PRUNE2: variants seen among roughly 807,000 people sequenced by gnomAD.
PRUNE2 encodes the protein protein prune homolog 2.
PRUNE2 carries 164 observed loss-of-function variants against 252.0 expected under a neutral mutation model. The ratio of observed to expected loss-of-function variants is 0.65; its 90% CI spans 0.57 to 0.74. The LOEUF is 0.74. Among genes scored for constraint, PRUNE2 ranks in the 30% least tolerant of loss-of-function variants. The pLI, the probability that PRUNE2 is intolerant of heterozygous loss-of-function variation, is 0.00. For synonymous variants in PRUNE2, 1,292 were observed against 1,350.2 expected, an observed-to-expected ratio of 0.96 and a Z score of 0.94; for missense variants, 3,495 against 3,711.0, an observed-to-expected ratio of 0.94 and a Z score of 1.51.
At chr9:76,672,981 A>G (rs1211832398) in intron 9 of PRUNE2, among the ~76,000 whole-genome samples, 8 of 148,440 alleles carry the variant, frequency 5.4e-5, no homozygotes, top group Non-Finnish European at 1.2e-4. Context: ...CCCTAACATC[A>G]CAATTAAAAG....
At chr9:76,645,390 A>C (rs759557580) in intron 11 of PRUNE2, among the ~76,000 whole-genome samples, 1 of 151,950 alleles carries the variant, frequency 6.6e-6, no homozygotes, top group Admixed American at 6.6e-5. Context: ...ACAAGCCAAG[A>C]CTCCTACTCT....
chr9:76,768,885 A>G (rs1332905066), intron 6 of PRUNE2, among the ~76,000 whole-genome samples: 1 of 152,194 alleles, frequency 6.6e-6, no homozygotes, highest in Non-Finnish European at 1.5e-5. Context: ...CATAATTCCT[A>G]CCACCAAAAA....
At chr9:76,702,040 T>G (rs981012216) in intron 9 of PRUNE2, among the ~76,000 whole-genome samples, 3 of 151,340 alleles carry the variant, frequency 2.0e-5, no homozygotes, top group African/African-American at 7.3e-5. Context: ...CCAAGCTGAG[T>G]AGCAAAAATA....
At chr9:76,745,755 A>C (rs1253118556) in intron 6 of PRUNE2, among the ~76,000 whole-genome samples, 4 of 152,200 alleles carry the variant, frequency 2.6e-5, no homozygotes, top group Non-Finnish European at 5.9e-5. Flanking sequence ...CCCTGCTTTG[A>C]TAAATTGGCT....
chr9:76,693,122 G>A (rs1221768173), intron 9 of PRUNE2: 1 of 151,934 alleles, frequency 6.6e-6, no homozygotes, highest in Non-Finnish European at 1.5e-5. Context: ...ACACAATTAA[G>A]GCAAACAAAG....
At chr9:76,636,193 G>A (rs1368264283) in intron 15 of PRUNE2, among the ~76,000 whole-genome samples, 1 of 151,930 alleles carries the variant, frequency 6.6e-6, no homozygotes, top group African/African-American at 2.4e-5. Flanking sequence ...CCTTTCTAAT[G>A]TGGCATGAAA....
intron 9 of PRUNE2, among the ~76,000 whole-genome samples, chr9:76,687,814 A>G (rs2044257085): frequency 6.7e-6 from 1 of 149,826 alleles, no homozygotes; most frequent in African/African-American, 2.5e-5. Context: ...GGTTCACACA[A>G]AACAGCACAG....
chr9:76,639,135 CT>C (rs1464537134), intron 12 of PRUNE2, among the ~76,000 whole-genome samples: 3 of 152,138 alleles, frequency 2.0e-5, no homozygotes, highest in African/African-American at 4.8e-5. Flanking sequence ...TAGAGTCACA[CT>C]CTCTTTGTAG....
rs1455401591 is a variant in PRUNE2 at position 76,846,755 on chromosome 9, C to T, written c.345-77G>A. 2.1e-5 allele frequency: 28 copies of T among 1,306,686 alleles called. No individual in the cohort carries two copies. In the East Asian group the frequency reaches 6.1e-4, roughly 28 times the overall value. 80.9% of individuals were successfully genotyped at this position (1,306,686 alleles called of 1,614,324 possible). ...ACTTTTTGGAATGTTTAAATCTCTG[C>T]TCTCACACAAATGGCTTCCTCTCAA... On this transcript the variant is annotated intron_variant, in intron 3 of 18. Transcript: ENST00000376718.
At chr9:76,702,515 G>A (rs1036273283) in intron 9 of PRUNE2, among the ~76,000 whole-genome samples, 1 of 152,196 alleles carries the variant, frequency 6.6e-6, no homozygotes, top group Non-Finnish European at 1.5e-5. Flanking sequence ...GCAGAGACTG[G>A]AAGCTTGAGG....
At chr9:76,669,625 T>C (rs1359378039) in intron 9 of PRUNE2, among the ~76,000 whole-genome samples, 1 of 152,182 alleles carries the variant, frequency 6.6e-6, no homozygotes, top group East Asian at 1.9e-4. Flanking sequence ...CAGCCTCGAA[T>C]GTTGTTTTCA....
At chr9:76,654,594 TTAAA>T (rs1848566262) in intron 10 of PRUNE2, among the ~76,000 whole-genome samples, 2 of 152,212 alleles carry the variant, frequency 1.3e-5, no homozygotes, top group Non-Finnish European at 2.9e-5. Flanking sequence ...TTTAATTAAT[TTAAA>T]TAGCCACATG....
At chr9:76,773,640 T>A (rs1589143729) in intron 6 of PRUNE2, among the ~76,000 whole-genome samples, 1 of 152,024 alleles carries the variant, frequency 6.6e-6, no homozygotes, top group Admixed American at 6.6e-5. Flanking sequence ...GGAGGGGTTT[T>A]GCCATGTTGG....
intron 9 of PRUNE2, among the ~76,000 whole-genome samples, chr9:76,695,327 C>A (rs570511157): frequency 1.3e-5 from 2 of 152,148 alleles, no homozygotes; most frequent in African/African-American, 2.4e-5. Flanking sequence ...CATAAGCCAG[C>A]GCGCCCAGCC....
intron 2 of PRUNE2, among the ~76,000 whole-genome samples, chr9:76,851,526 G>A (rs1047132910): frequency 6.7e-6 from 1 of 149,936 alleles, no homozygotes; most frequent in South Asian, 2.1e-4. Flanking sequence ...GCAGCATGGG[G>A]GACAGAGCAA....
chr9:76,693,444 T>TTTTTTTTC (rs2045020959), intron 9 of PRUNE2, among the ~76,000 whole-genome samples: 1 of 25,072 alleles, frequency 4.0e-5, no homozygotes, highest in African/African-American at 1.2e-4. Flanking sequence ...CTACTCTTTT[T>TTTTTTTTC]TTTTTTTTTT....
At chr9:76,786,878 G>A (rs2055040013) in intron 6 of PRUNE2, 1 of 152,202 alleles carries the variant, frequency 6.6e-6, no homozygotes, top group African/African-American at 2.4e-5. Context: ...CCATGCAAAT[G>A]AGAAACCCAG....
At chr9:76,654,548 A>C (rs1848545719) in intron 10 of PRUNE2, among the ~76,000 whole-genome samples, 1 of 152,252 alleles carries the variant, frequency 6.6e-6, no homozygotes. Flanking sequence ...AGGCTAGTGC[A>C]ACTGAAGAAG....
rs115556598 is a variant in PRUNE2 at position 76,621,560 on chromosome 9, G to T, written c.9189-2173C>A. ...CTTACCCACTGAATCCAAAGCAAGA[G>T]CATAGACCTCCAAAACAAATCTGAT... is the stretch of plus-strand genomic sequence containing the variant. On this transcript the variant is annotated intron_variant, in intron 17 of 18. Coordinates refer to ENST00000376718, the MANE Select transcript of PRUNE2 (RefSeq NM_015225.3). Among the ~76,000 whole-genome samples the T allele has an allele frequency of 8.3e-3, 1,263 of 152,292 alleles. 14 individuals are homozygous for T. Among genetic ancestry groups the T allele is most frequent in the African/African-American group, 0.027 (1,122 of 41,558 alleles).
Sources: gnomAD v4.1 joint callset for allele counts (sites outside exome capture counted in the v4.1 genomes callset) on GRCh38, gnomAD v4.1.1 for gene constraint, MANE v1.5 for transcripts, NCBI Gene and HGNC (gene_info 2026-07-23, HGNC 2026-07-21) for gene names.